C6orf89: variants seen among roughly 807,000 people sequenced by gnomAD.
The protein encoded by C6orf89 is bombesin receptor-activated protein C6orf89.
A neutral mutation model predicts 40.7 loss-of-function variants in C6orf89; 29 were observed. The ratio of observed to expected loss-of-function variants is 0.71; its 90% CI spans 0.53 to 0.97. The LOEUF (loss-of-function observed/expected upper bound fraction) is 0.97, where lower values mean the gene tolerates loss of function less well. C6orf89 is among the 50% of genes least tolerant of loss of function. The pLI, the probability that C6orf89 is intolerant of heterozygous loss-of-function variation, is 0.00. For synonymous variants in C6orf89, 165 were observed against 152.2 expected (o/e 1.08, Z -0.62); for missense variants, 392 against 429.1 (o/e 0.91, Z 0.76).
intron 1 of C6orf89, among the ~76,000 whole-genome samples, chr6:36,886,803 A>G (rs900901109): frequency 2.6e-5 from 4 of 152,230 alleles, no homozygotes; most frequent in African/African-American, 9.6e-5. Flanking sequence ...CTCCCTTAAT[A>G]AATTCGTTCA....
intron 1 of C6orf89, among the ~76,000 whole-genome samples, chr6:36,886,299 C>G (rs966653163): frequency 8.5e-5 from 13 of 152,208 alleles, no homozygotes; most frequent in Admixed American, 3.3e-4. Flanking sequence ...ACTTGGTTCT[C>G]AGGCATCACA....
intron 4 of C6orf89, among the ~76,000 whole-genome samples, chr6:36,907,412 G>A (rs1279488514): frequency 6.6e-6 from 1 of 152,128 alleles, no homozygotes; most frequent in Non-Finnish European, 1.5e-5. Flanking sequence ...GAGTTTTCTT[G>A]TAAATAACTC....
chr6:36,921,406 G>C (rs531669168), intron 8 of C6orf89, among the ~76,000 whole-genome samples: 2 of 152,282 alleles, frequency 1.3e-5, no homozygotes, highest in East Asian at 3.9e-4. Context: ...ATGGCACCAT[G>C]ACATGCAAGT....
intron 1 of C6orf89, among the ~76,000 whole-genome samples, chr6:36,886,771 G>A (rs1198581126): frequency 6.6e-6 from 1 of 152,186 alleles, no homozygotes; most frequent in Non-Finnish European, 1.5e-5. Flanking sequence ...AGTTCCTGTG[G>A]TGGGATCTTC....
chr6:36,873,586 GGATTT>G (rs1212690361), intron 1 of C6orf89, among the ~76,000 whole-genome samples: 6 of 152,136 alleles, frequency 3.9e-5, no homozygotes, highest in African/African-American at 1.4e-4. Context: ...TACATTGCTT[GGATTT>G]AACAATTTAT....
At chr6:36,890,203 G>A (rs938372527) in intron 1 of C6orf89, among the ~76,000 whole-genome samples, 2 of 152,116 alleles carry the variant, frequency 1.3e-5, no homozygotes, top group Non-Finnish European at 2.9e-5. Flanking sequence ...ATACAATACA[G>A]TATTGTTAAC....
In C6orf89 at chr6:36,897,129, CAAAA is replaced by C. The variant is rs34191608; in HGVS notation, c.-19-2278_-19-2275del. On this transcript the variant is annotated intron_variant, in intron 2 of 8. Coordinates refer to ENST00000480824, the MANE Select transcript of C6orf89 (RefSeq NM_001286635.2). ...GGGCAACCAGAGCAAGACTCTGTCTCAAAAAAAAAAAAAAAAAAAAAAGAAAAGA... is the reference window on the plus strand; with the variant it reads ...GGGCAACCAGAGCAAGACTCTGTCTCAAAAAAAAAAAAAAAAAAGAAAAGA... Among the ~76,000 whole-genome samples, 76 of 85,366 alleles carry C rather than the reference CAAAA, an allele frequency of 8.9e-4. 1 individual carries two copies. In the East Asian group the frequency reaches 0.022, roughly 24 times the overall value. The allele number at this position is 85,366 out of a possible 152,430, so 56.0% of individuals were successfully genotyped here. A position where few individuals can be genotyped will look rare whatever the true frequency, so the allele number is the denominator to read the frequency against.
At chr6:36,890,333 A>C (rs1761150104) in intron 1 of C6orf89, among the ~76,000 whole-genome samples, 1 of 151,956 alleles carries the variant, frequency 6.6e-6, no homozygotes, top group African/African-American at 2.4e-5. Context: ...TGCAACCACC[A>C]TTCTGTTCTT....
intron 1 of C6orf89, among the ~76,000 whole-genome samples, chr6:36,890,012 A>G (rs1026025098): frequency 7.2e-5 from 11 of 152,246 alleles, no homozygotes; most frequent in African/African-American, 2.4e-4. Context: ...AAAGCTTTAC[A>G]CATTTAATGT....
At chr6:36,893,953 G>A (rs1761322408) in intron 1 of C6orf89, among the ~76,000 whole-genome samples, 1 of 151,502 alleles carries the variant, frequency 6.6e-6, no homozygotes, top group African/African-American at 2.4e-5. Flanking sequence ...GAACCCGGGA[G>A]GCGGAGCTTT....
chr6:36,896,166 G>C lies in C6orf89; in HGVS notation c.-20+1563G>C, dbSNP rs141180094. ...TCTGTCACCCAGGCTGGAGTGCAGT[G>C]GTGTAATCTTGGCTCATTGCAACCT... On this transcript the variant is annotated intron_variant, in intron 2 of 8. Coordinates refer to ENST00000480824, the MANE Select transcript of C6orf89 (RefSeq NM_001286635.2). Among the ~76,000 whole-genome samples the C allele has an allele frequency of 5.8e-3, 880 of 152,252 alleles. 7 individuals are homozygous for C. Among genetic ancestry groups the C allele is most frequent in the African/African-American group, 0.019 (795 of 41,534 alleles).
At chr6:36,914,837 A>G (rs1762257956) in intron 6 of C6orf89, 144 bp downstream of exon 6, 1 of 958,510 alleles carries the variant, frequency 1.0e-6, no homozygotes, top group Admixed American at 2.5e-5. Context: ...TAAAAATACA[A>G]AAATTAGCCA....
intron 8 of C6orf89, among the ~76,000 whole-genome samples, chr6:36,919,950 G>A (rs1174450002): frequency 2.6e-5 from 4 of 152,146 alleles, no homozygotes; most frequent in Admixed American, 1.3e-4. Flanking sequence ...GAAACTTCAA[G>A]TTAGGAAGGA....
chr6:36,882,571 G>T (rs1486227534), upstream of C6orf89, among the ~76,000 whole-genome samples: 1 of 152,150 alleles, frequency 6.6e-6, no homozygotes, highest in Non-Finnish European at 1.5e-5. Context: ...ATATTGATGT[G>T]GTGACTTATA....
chr6:36,904,827 T>C (rs991017889), intron 4 of C6orf89, among the ~76,000 whole-genome samples: 3 of 152,150 alleles, frequency 2.0e-5, no homozygotes, highest in Non-Finnish European at 4.4e-5. Flanking sequence ...CATCTGGTGC[T>C]CCTTGCAGTG....
intron 7 of C6orf89, among the ~76,000 whole-genome samples, chr6:36,919,275 A>T (rs2150715284): frequency 6.6e-6 from 1 of 152,358 alleles, no homozygotes; most frequent in East Asian, 1.9e-4. Context: ...AAGCTCATGC[A>T]GGATCTACTC....
intron 7 of C6orf89, among the ~76,000 whole-genome samples, chr6:36,919,096 G>A (rs1762422578): frequency 6.6e-6 from 1 of 152,200 alleles, no homozygotes; most frequent in African/African-American, 2.4e-5. Flanking sequence ...CAAAGGATAT[G>A]CTGATTATCT....
intron 4 of C6orf89, among the ~76,000 whole-genome samples, chr6:36,910,132 CT>C (rs879534607): frequency 1.6e-3 from 232 of 144,878 alleles, no homozygotes; most frequent in Admixed American, 1.8e-3. Context: ...GTTCCTCTAG[CT>C]TTTTTTTTTT....
chr6:36,877,448 A>G (rs1348426287), intron 1 of C6orf89, among the ~76,000 whole-genome samples: 1 of 152,144 alleles, frequency 6.6e-6, no homozygotes, highest in Non-Finnish European at 1.5e-5. Context: ...CTCCTGCCTC[A>G]GCCTCCCGAG....
Sources: gnomAD v4.1 joint callset for allele counts (sites outside exome capture counted in the v4.1 genomes callset) on GRCh38, gnomAD v4.1.1 for gene constraint, MANE v1.5 for transcripts, NCBI Gene and HGNC (gene_info 2026-07-23, HGNC 2026-07-21) for gene names.